The following PTPRD variants were observed in gnomAD, a reference collection of about 807,000 sequenced individuals.
PTPRD encodes protein tyrosine phosphatase receptor type D, also known as receptor-type tyrosine-protein phosphatase delta.
PTPRD carries 34 observed loss-of-function variants against 214.5 expected under a neutral mutation model. That is an observed-to-expected ratio of 0.16 (90% CI 0.12 to 0.21). The LOEUF (loss-of-function observed/expected upper bound fraction) is 0.21, where lower values mean the gene tolerates loss of function less well. Among genes scored for constraint, PTPRD ranks in the 10% least tolerant of loss-of-function variants. The pLI is 1.00. For synonymous variants in PTPRD, 1,128 were observed against 845.7 expected, an observed-to-expected ratio of 1.33 and a Z score of -5.79; for missense variants, 2,545 against 2,398.7, an observed-to-expected ratio of 1.06 and a Z score of -1.27.
intron 6 of PTPRD, among the ~76,000 whole-genome samples, chr9:9,755,379 T>C (rs2098558011): frequency 6.6e-6 from 1 of 152,074 alleles, no homozygotes; most frequent in Non-Finnish European, 1.5e-5. Context: ...GAAAAAGGAA[T>C]TGACAGCTTC....
At chr9:8,958,945 G>T (rs1449962456) in intron 11 of PTPRD, 3 of 151,924 alleles carry the variant, frequency 2.0e-5, no homozygotes, top group Admixed American at 2.0e-4. Flanking sequence ...TTTGTTTTAA[G>T]TTAGTTTGAG....
At chr9:8,669,370 C>T (rs546572799) in intron 12 of PTPRD, among the ~76,000 whole-genome samples, 1 of 152,298 alleles carries the variant, frequency 6.6e-6, no homozygotes, top group South Asian at 2.1e-4. Context: ...GCGCTCACTT[C>T]TGCTATAGAG....
chr9:10,278,155 C>CAAAAAAAAAAAAAAAAAAAAA (rs752887858), intron 3 of PTPRD, among the ~76,000 whole-genome samples: 18 of 144,702 alleles, frequency 1.2e-4, no homozygotes, highest in Non-Finnish European at 1.7e-4. Flanking sequence ...GACTCTGTCT[C>CAAAAAAAAAAAAAAAAAAAAA]AAAAAACAAA....
chr9:9,847,564 G>T (rs747207786), intron 5 of PTPRD, among the ~76,000 whole-genome samples: 2 of 151,956 alleles, frequency 1.3e-5, no homozygotes, highest in African/African-American at 4.8e-5. Flanking sequence ...TGCCCCCTAG[G>T]TTTGTCATAT....
At chr9:10,511,566 GGTA>G (rs2048025203) in intron 2 of PTPRD, among the ~76,000 whole-genome samples, 1 of 88,630 alleles carries the variant, frequency 1.1e-5, no homozygotes, top group Admixed American at 9.9e-5. Context: ...ACCACACCCT[GGTA>G]TTTTTTTTTT....
intron 3 of PTPRD, among the ~76,000 whole-genome samples, chr9:10,038,493 T>C (rs1240095762): frequency 6.6e-6 from 1 of 152,276 alleles, no homozygotes; most frequent in Middle Eastern, 3.4e-3. Flanking sequence ...TAAGCACTTA[T>C]AATGTATCTT....
chr9:8,574,680 G>C (rs796260564), intron 14 of PTPRD, among the ~76,000 whole-genome samples: 1 of 151,884 alleles, frequency 6.6e-6, no homozygotes, highest in African/African-American at 2.4e-5. Flanking sequence ...GTTTCCTGTG[G>C]GTTCTTTTCA....
intron 4 of PTPRD, among the ~76,000 whole-genome samples, chr9:10,012,687 C>T (rs1401684095): frequency 6.6e-6 from 1 of 151,866 alleles, no homozygotes; most frequent in African/African-American, 2.4e-5. Context: ...GGTTTTACAC[C>T]TATCACAAGA....
intron 14 of PTPRD, among the ~76,000 whole-genome samples, chr9:8,542,439 T>C (rs2078717191): frequency 1.3e-5 from 2 of 152,198 alleles, no homozygotes; most frequent in African/African-American, 2.4e-5. Context: ...TCAGAATAAT[T>C]TGAATGTCAA....
intron 14 of PTPRD, among the ~76,000 whole-genome samples, chr9:8,561,836 A>G (rs2086508427): frequency 6.6e-6 from 1 of 151,468 alleles, no homozygotes; most frequent in Admixed American, 6.6e-5. Flanking sequence ...ATATACATAT[A>G]TATTTATATA....
rs377409633 is a variant in PTPRD, at chr9:9,642,322, G to T, written c.-286-67541C>A. ...GGAGATATACCTAAGGCTAGATGACGAGTTAGTGGGTGCAGCGCACCAGCA... is the reference window on the plus strand; with the variant it reads ...GGAGATATACCTAAGGCTAGATGACTAGTTAGTGGGTGCAGCGCACCAGCA... On this transcript the variant is annotated intron_variant, in intron 7 of 45. Coordinates refer to ENST00000381196, the MANE Select transcript of PTPRD (RefSeq NM_002839.4). Among the ~76,000 whole-genome samples, 27 of 147,684 alleles carry T rather than the reference G, an allele frequency of 1.8e-4. No individual in the cohort carries two copies. The East Asian group carries it at 2.0e-3, about 11-fold the overall frequency.
intron 3 of PTPRD, among the ~76,000 whole-genome samples, chr9:10,055,654 G>A (rs974655963): frequency 2.0e-5 from 3 of 151,950 alleles, no homozygotes; most frequent in Non-Finnish European, 4.4e-5. Flanking sequence ...ATTAAACACA[G>A]TTTTATTTTG....
At chr9:10,272,326 A>G (rs1321364873) in intron 3 of PTPRD, among the ~76,000 whole-genome samples, 1 of 152,190 alleles carries the variant, frequency 6.6e-6, no homozygotes, top group Non-Finnish European at 1.5e-5. Context: ...TATAGACAAA[A>G]TATTTTATTT....
chr9:10,455,154 A>T (rs2098899500), intron 2 of PTPRD, among the ~76,000 whole-genome samples: 1 of 151,736 alleles, frequency 6.6e-6, no homozygotes, highest in South Asian at 2.1e-4. Flanking sequence ...TTCTTGACAC[A>T]AACTGATGAT....
At chr9:9,106,354 G>A (rs55804598) in intron 10 of PTPRD, among the ~76,000 whole-genome samples, 10,643 of 151,374 alleles carry the variant, frequency 0.07, 535 homozygotes, top group Middle Eastern at 0.11. Flanking sequence ...TGTGTTTTAG[G>A]GATTCTTATA....
At chr9:9,280,000 G>C (rs954422110) in intron 9 of PTPRD, among the ~76,000 whole-genome samples, 1 of 151,190 alleles carries the variant, frequency 6.6e-6, no homozygotes, top group Admixed American at 6.6e-5. Context: ...ATATTGATAG[G>C]TTATTGGGTT....
At chr9:8,820,767 T>C (rs1275154806) in intron 11 of PTPRD, among the ~76,000 whole-genome samples, 2 of 152,160 alleles carry the variant, frequency 1.3e-5, no homozygotes, top group African/African-American at 4.8e-5. Flanking sequence ...TATATATGTC[T>C]CTGGACTCAC....
intron 4 of PTPRD, among the ~76,000 whole-genome samples, chr9:9,993,306 C>T (rs1217175967): frequency 1.3e-5 from 2 of 152,176 alleles, no homozygotes; most frequent in South Asian, 2.1e-4. Context: ...TATCCTCTCC[C>T]TCCAAAGAGC....
chr9:8,434,499 C>G lies in PTPRD; in HGVS notation c.4086+2093G>C, dbSNP rs187697775. Among the ~76,000 whole-genome samples, 3 of 152,268 alleles carry G rather than the reference C, an allele frequency of 2.0e-5. No homozygotes were observed. In the East Asian group the frequency reaches 5.8e-4, roughly 29 times the overall value. The stretch of plus-strand genomic sequence containing the variant: ...CAAGAACACATTTCTCCAAAGGTAT[C>G]CCTGTCATCAAGTGGTGCATGACTA... On this transcript the variant is annotated intron_variant, in intron 35 of 45. Transcript: ENST00000381196.
Sources: gnomAD v4.1 joint callset for allele counts (sites outside exome capture counted in the v4.1 genomes callset) on GRCh38, gnomAD v4.1.1 for gene constraint, MANE v1.5 for transcripts, NCBI Gene and HGNC (gene_info 2026-07-23, HGNC 2026-07-21) for gene names.